The following ANKRD6 variants were observed in gnomAD, a reference collection of about 807,000 sequenced individuals.
The protein encoded by ANKRD6 is ankyrin repeat domain-containing protein 6.
In ANKRD6, 56 loss-of-function variants were observed where a neutral mutation model predicts 82.3. The observed-to-expected ratio is 0.68, with a 90% CI of 0.55 to 0.85. The LOEUF is 0.85. Ranked by LOEUF, ANKRD6 falls within the 40% of genes least tolerant of loss-of-function variation. The pLI, the probability that ANKRD6 is intolerant of heterozygous loss-of-function variation, is 0.00. For missense variants in ANKRD6, 852 were observed against 907.6 expected, an observed-to-expected ratio of 0.94 and a Z score of 0.79; for synonymous variants, 347 against 352.1, an observed-to-expected ratio of 0.99 and a Z score of 0.16.
rs762410708 is a variant in ANKRD6, at chr6:89,629,050, A to G, written c.1486-62A>G. 5 of 1,534,376 alleles carry G rather than the reference A, an allele frequency of 3.3e-6. No individual in the cohort carries two copies. The South Asian group carries it at 4.8e-5, about 15-fold the overall frequency. On this transcript the variant is annotated intron_variant, in intron 14 of 15. Coordinates refer to ENST00000339746, the MANE Select transcript of ANKRD6 (RefSeq NM_001242809.2). ...TCCTTGATGCTTTAATTCATAAACCATGTATCAAATTCACTTGATTCTTCT... is the reference window on the plus strand; with the variant it reads ...TCCTTGATGCTTTAATTCATAAACCGTGTATCAAATTCACTTGATTCTTCT...
intron 7 of ANKRD6, among the ~76,000 whole-genome samples, chr6:89,615,701 T>C (rs937706212): frequency 2.6e-5 from 4 of 152,210 alleles, no homozygotes; most frequent in Non-Finnish European, 4.4e-5. Flanking sequence ...TGAATGTTCA[T>C]GCTACCCAGG....
In ANKRD6 at chr6:89,566,912, G is replaced by A. The variant is rs940714272; in HGVS notation, c.-65G>A. On this transcript the variant is annotated 5_prime_UTR_variant, in exon 2 of 16. It adds an upstream start codon to the 5' untranslated region. Transcript: ENST00000339746. ...TACCTCTGGGTGCCAGGCCGGGCCA[G>A]TGACTTCGTGTTGAGCTGAAGGAAC... 1.3e-6 allele frequency: 2 copies of A among 1,543,800 alleles called. No individual in the cohort carries two copies. Among genetic ancestry groups the A allele is most frequent in the South Asian group, 1.2e-5 (1 of 83,472 alleles).
intron 2 of ANKRD6, among the ~76,000 whole-genome samples, chr6:89,581,034 C>G (rs1198578862): frequency 1.3e-5 from 2 of 152,174 alleles, no homozygotes; most frequent in Non-Finnish European, 2.9e-5. Flanking sequence ...GCTGCCCCCA[C>G]CACTCAGTGT....
At chr6:89,553,220 C>A (rs1170930960) in intron 1 of ANKRD6, among the ~76,000 whole-genome samples, 1 of 152,154 alleles carries the variant, frequency 6.6e-6, no homozygotes, top group Non-Finnish European at 1.5e-5. Context: ...TAAAATGGGA[C>A]TCCTGGAATG....
chr6:89,474,620 T>C lies in ANKRD6; in HGVS notation c.-144+41245T>C, dbSNP rs577630422. ...TTTTAGTAGAGACGGGGTTTCACTG[T>C]GTTAGCCAGGATGGTTTCGATCTCC... is the stretch of plus-strand genomic sequence containing the variant. On this transcript the variant is annotated intron_variant, in intron 1 of 15. Transcript: ENST00000339746. Among the ~76,000 whole-genome samples, 4 of 152,276 alleles carry C rather than the reference T, an allele frequency of 2.6e-5. No individual in the cohort carries two copies. The South Asian group carries it at 8.3e-4, about 32-fold the overall frequency.
chr6:89,590,260 G>T (rs1403815576), intron 2 of ANKRD6, among the ~76,000 whole-genome samples: 2 of 152,182 alleles, frequency 1.3e-5, no homozygotes, highest in African/African-American at 4.8e-5. Flanking sequence ...GCCCTTGCTG[G>T]AGCAGGCCTG....
At chr6:89,558,651 A>T (rs1021195663) in intron 1 of ANKRD6, among the ~76,000 whole-genome samples, 9 of 152,194 alleles carry the variant, frequency 5.9e-5, no homozygotes, top group Non-Finnish European at 1.3e-4. Context: ...TGGCAGATGC[A>T]TGGTATTATT....
At chr6:89,588,994 C>CAAAA (rs34892881) in intron 2 of ANKRD6, among the ~76,000 whole-genome samples, 2 of 48,308 alleles carry the variant, frequency 4.1e-5, no homozygotes, top group Non-Finnish European at 7.5e-5. Context: ...GACTCTGTCT[C>CAAAA]AAAAAAAAAA....
At chr6:89,610,054 A>T (rs1466400218) in intron 5 of ANKRD6, among the ~76,000 whole-genome samples, 1 of 152,152 alleles carries the variant, frequency 6.6e-6, no homozygotes, top group Non-Finnish European at 1.5e-5. Context: ...CTGTCTGGGA[A>T]ATCAGTACCC....
intron 1 of ANKRD6, among the ~76,000 whole-genome samples, chr6:89,449,406 A>G (rs766734006): frequency 6.6e-6 from 1 of 152,214 alleles, no homozygotes; most frequent in South Asian, 2.1e-4. Flanking sequence ...ATGAGCAAAG[A>G]AAGTGGTTTC....
intron 1 of ANKRD6, among the ~76,000 whole-genome samples, chr6:89,505,186 C>A (rs1220550547): frequency 6.6e-6 from 1 of 152,196 alleles, no homozygotes; most frequent in African/African-American, 2.4e-5. Flanking sequence ...CTGCCTTCTC[C>A]AGGGGCTGTC....
intron 1 of ANKRD6, among the ~76,000 whole-genome samples, chr6:89,529,915 A>G (rs949515456): frequency 4.6e-5 from 7 of 152,216 alleles, no homozygotes. Flanking sequence ...CAGTAGTAAC[A>G]TAAAAGATCA....
At chr6:89,588,908 G>A (rs895898521) in intron 2 of ANKRD6, among the ~76,000 whole-genome samples, 4 of 147,472 alleles carry the variant, frequency 2.7e-5, no homozygotes, top group East Asian at 2.0e-4. Flanking sequence ...CAGGAGAATC[G>A]CTTGAACCCA....
intron 1 of ANKRD6, among the ~76,000 whole-genome samples, chr6:89,530,316 T>C (rs1192485747): frequency 6.6e-6 from 1 of 151,754 alleles, no homozygotes; most frequent in African/African-American, 2.4e-5. Flanking sequence ...GGACATGAAG[T>C]GAGCACATGT....
intron 2 of ANKRD6, among the ~76,000 whole-genome samples, chr6:89,589,098 G>A (rs895971662): frequency 6.6e-6 from 1 of 151,872 alleles, no homozygotes; most frequent in Non-Finnish European, 1.5e-5. Context: ...TCTTGTCCAG[G>A]TCTGCTCTGT....
chr6:89,619,159 T>C (rs1427000390), intron 9 of ANKRD6, among the ~76,000 whole-genome samples: 1 of 152,202 alleles, frequency 6.6e-6, no homozygotes, highest in Non-Finnish European at 1.5e-5. Context: ...TCCTTCTCAG[T>C]GGTCTCTGGA....
chr6:89,555,733 G>A (rs891562633), intron 1 of ANKRD6, among the ~76,000 whole-genome samples: 3 of 152,088 alleles, frequency 2.0e-5, no homozygotes, highest in African/African-American at 7.2e-5. Context: ...AGAGGTATCA[G>A]AAGAAAAGGT....
chr6:89,628,260 TG>T (rs748703683), intron 14 of ANKRD6: 52 of 157,964 alleles, frequency 3.3e-4, no homozygotes, highest in Non-Finnish European at 6.3e-4. Context: ...TACCTGAGGC[TG>T]GGTAATTTGT....
chr6:89,437,530 A>G lies in ANKRD6; in HGVS notation c.-144+4155A>G, dbSNP rs551669039. 1.1e-4 allele frequency among the ~76,000 whole-genome samples: 17 copies of G among 152,292 alleles called. 2 individuals are homozygous for G. The highest frequency in any genetic ancestry group is 1.1e-3 in the Admixed American group (17 of 15,292). On this transcript the variant is annotated intron_variant, in intron 1 of 15. Transcript: ENST00000339746. ...GTAAATAATAATATATTAGGTACAC[A>G]GCTATGGAAAAACTCATGAAGATGG...
Sources: gnomAD v4.1 joint callset for allele counts (sites outside exome capture counted in the v4.1 genomes callset) on GRCh38, gnomAD v4.1.1 for gene constraint, MANE v1.5 for transcripts, NCBI Gene and HGNC (gene_info 2026-07-23, HGNC 2026-07-21) for gene names.